LIN54: variants seen among roughly 807,000 people sequenced by gnomAD.
LIN54 encodes the protein protein lin-54 homolog.
LIN54 carries 9 observed loss-of-function variants against 78.7 expected under a neutral mutation model. The observed-to-expected ratio is 0.11, with a 90% confidence interval of 0.07 to 0.20. The LOEUF is 0.20. Ranked by LOEUF, LIN54 falls within the 10% of genes least tolerant of loss-of-function variation. The probability of loss-of-function intolerance (pLI) is 1.00; values close to 1 mark genes in which losing one functional copy is unlikely to be tolerated. For synonymous variants in LIN54, 269 were observed against 318.4 expected, an observed-to-expected ratio of 0.84 and a Z score of 1.65; for missense variants, 573 against 889.9, an observed-to-expected ratio of 0.64 and a Z score of 4.53.
intron 2 of LIN54, among the ~76,000 whole-genome samples, chr4:82,981,505 A>G (rs917871682): frequency 6.6e-6 from 1 of 151,974 alleles, no homozygotes; most frequent in Non-Finnish European, 1.5e-5. Flanking sequence ...AAAATCATAT[A>G]CTCTTTGTAA....
intron 1 of LIN54, among the ~76,000 whole-genome samples, chr4:82,998,358 C>G (rs1728421473): frequency 6.6e-6 from 1 of 151,924 alleles, no homozygotes. Context: ...GCCTGGTCAA[C>G]ATAGTGAAAC....
At chr4:82,940,581 C>A (rs1301534515) in intron 5 of LIN54, among the ~76,000 whole-genome samples, 3 of 152,190 alleles carry the variant, frequency 2.0e-5, no homozygotes, top group African/African-American at 7.2e-5. Context: ...TTAGTAGACA[C>A]TGGGTTCTGC....
At chr4:82,952,335 T>C (rs1723910533) in intron 4 of LIN54, among the ~76,000 whole-genome samples, 1 of 152,248 alleles carries the variant, frequency 6.6e-6, no homozygotes, top group Non-Finnish European at 1.5e-5. Flanking sequence ...TTTCTCCAAA[T>C]AAGATATAGA....
intron 3 of LIN54, among the ~76,000 whole-genome samples, chr4:82,976,685 G>A (rs1284171056): frequency 6.6e-6 from 1 of 152,128 alleles, no homozygotes; most frequent in African/African-American, 2.4e-5. Flanking sequence ...TCCAGCCTCG[G>A]TGACAGGGCG....
chr4:82,959,560 A>G (rs1430495090), intron 4 of LIN54, among the ~76,000 whole-genome samples: 1 of 152,174 alleles, frequency 6.6e-6, no homozygotes, highest in African/African-American at 2.4e-5. Context: ...GCTCAAAATT[A>G]TTTCATCTGA....
At chr4:82,977,045 G>A (rs2126079200) in intron 3 of LIN54, among the ~76,000 whole-genome samples, 1 of 152,198 alleles carries the variant, frequency 6.6e-6, no homozygotes, top group South Asian at 2.1e-4. Context: ...ATTTATAAAA[G>A]TCTATGATAG....
intron 1 of LIN54, among the ~76,000 whole-genome samples, chr4:82,996,820 G>A (rs1483460633): frequency 6.6e-6 from 1 of 151,930 alleles, no homozygotes; most frequent in Admixed American, 6.6e-5. Flanking sequence ...TAAGTCCGGT[G>A]AGAGTTAAAC....
chr4:82,988,136 G>T (rs1727333754), intron 1 of LIN54, among the ~76,000 whole-genome samples: 1 of 152,134 alleles, frequency 6.6e-6, no homozygotes. Context: ...GATCAATGAT[G>T]TTGAGCTTTT....
intron 1 of LIN54, among the ~76,000 whole-genome samples, chr4:82,998,001 A>AT (rs1450658671): frequency 2.7e-4 from 11 of 41,110 alleles, no homozygotes; most frequent in South Asian, 1.1e-3. Flanking sequence ...TCTCAAAAAA[A>AT]AAAAATAATA....
chr4:82,936,147 A>C, intron 10 of LIN54, 29 bp from the exon 11 acceptor site: 2 of 1,613,148 alleles, frequency 1.2e-6, no homozygotes, highest in Non-Finnish European at 1.7e-6. Flanking sequence ...TATCAGTTAG[A>C]GTTAAATCAC....
chr4:82,976,382 C>T (rs372369616), intron 3 of LIN54, among the ~76,000 whole-genome samples: 2 of 136,504 alleles, frequency 1.5e-5, no homozygotes, highest in African/African-American at 5.2e-5. Flanking sequence ...CAAAAATCAT[C>T]AAAAAAAAAA....
chr4:83,001,150 G>T (rs1237671901), intron 1 of LIN54, among the ~76,000 whole-genome samples: 1 of 152,130 alleles, frequency 6.6e-6, no homozygotes. Context: ...AGAAAACTGT[G>T]TCTAGACATT....
At chr4:82,987,511 C>T (rs1727268772) in intron 1 of LIN54, among the ~76,000 whole-genome samples, 1 of 152,110 alleles carries the variant, frequency 6.6e-6, no homozygotes, top group African/African-American at 2.4e-5. Context: ...TTGACCCCAC[C>T]TCTAAGTTCC....
At chr4:82,974,156 G>T (rs1375935086) in intron 3 of LIN54, among the ~76,000 whole-genome samples, 2 of 151,766 alleles carry the variant, frequency 1.3e-5, no homozygotes, top group African/African-American at 4.8e-5. Flanking sequence ...CTTGCAGTGA[G>T]CCGAGATCGC....
intron 2 of LIN54, among the ~76,000 whole-genome samples, chr4:82,979,903 T>C (rs184762103): frequency 1.4e-3 from 176 of 121,932 alleles, no homozygotes; most frequent in African/African-American, 5.4e-3. Flanking sequence ...ACCACTGCAC[T>C]CCAGCCTGGG....
intron 3 of LIN54, among the ~76,000 whole-genome samples, chr4:82,974,825 C>A (rs1444630820): frequency 6.7e-6 from 1 of 150,086 alleles, no homozygotes; most frequent in Non-Finnish European, 1.5e-5. Flanking sequence ...CACCACTGCA[C>A]TCCAGCCTGA....
chr4:82,965,888 T>C (rs1179362211), intron 4 of LIN54, among the ~76,000 whole-genome samples: 1 of 152,202 alleles, frequency 6.6e-6, no homozygotes, highest in Non-Finnish European at 1.5e-5. Flanking sequence ...CCTTTTGGCC[T>C]CTATCAATAG....
At chr4:83,008,225 T>C (rs1475499243) in intron 1 of LIN54, among the ~76,000 whole-genome samples, 1 of 152,202 alleles carries the variant, frequency 6.6e-6, no homozygotes, top group African/African-American at 2.4e-5. Context: ...ACTGAATTGA[T>C]CCTTCCAACT....
intron 3 of LIN54, among the ~76,000 whole-genome samples, chr4:82,970,797 C>T (rs1045400885): frequency 1.5e-4 from 23 of 152,166 alleles, no homozygotes; most frequent in African/African-American, 5.6e-4. Flanking sequence ...AAAGTCAGAA[C>T]ATGAACCCAA....
Sources: allele counts gnomAD v4.1 joint callset (sites outside exome capture counted in the v4.1 genomes callset), GRCh38; gene constraint gnomAD v4.1.1; transcripts MANE v1.5; gene names NCBI Gene and HGNC (gene_info 2026-07-23, HGNC 2026-07-21).